CHAF1B: variants seen among roughly 807,000 people sequenced by gnomAD.
CHAF1B encodes chromatin assembly factor 1 subunit B.
In CHAF1B, 10 loss-of-function variants were observed where a neutral mutation model predicts 60.7. The observed-to-expected ratio is 0.16, with a 90% CI of 0.10 to 0.28. The LOEUF (loss-of-function observed/expected upper bound fraction) is 0.28, where lower values mean the gene tolerates loss of function less well. CHAF1B is among the 10% of genes least tolerant of loss of function. The pLI, the probability that CHAF1B is intolerant of heterozygous loss-of-function variation, is 1.00. For synonymous variants in CHAF1B, 261 were observed against 266.1 expected (o/e 0.98, Z 0.19); for missense variants, 558 against 708.4 (o/e 0.79, Z 2.41).
At chr21:36,410,396 A>G (rs776636299) in intron 10 of CHAF1B, among the ~76,000 whole-genome samples, 2 of 152,086 alleles carry the variant, frequency 1.3e-5, no homozygotes, top group Non-Finnish European at 2.9e-5. Flanking sequence ...CTCTTATTCA[A>G]ATACTCCCAT....
intron 9 of CHAF1B, among the ~76,000 whole-genome samples, chr21:36,409,166 T>A (rs1352049601): frequency 1.3e-5 from 2 of 149,928 alleles, no homozygotes; most frequent in African/African-American, 4.9e-5. Context: ...GTATTTTTTT[T>A]TTTTTTTTTT....
At chr21:36,404,176 C>T (rs2086215933) in intron 8 of CHAF1B, among the ~76,000 whole-genome samples, 1 of 149,396 alleles carries the variant, frequency 6.7e-6, no homozygotes, top group Non-Finnish European at 1.5e-5. Context: ...TGGCTCACCA[C>T]TGCAGCCTCC....
At chr21:36,393,196 A>G (rs1408572848) in intron 4 of CHAF1B, among the ~76,000 whole-genome samples, 1 of 152,076 alleles carries the variant, frequency 6.6e-6, no homozygotes, top group Non-Finnish European at 1.5e-5. Flanking sequence ...TCAGAGGGAG[A>G]CTGTGGAGAG....
rs77041804 is a variant in CHAF1B, at chr21:36,414,231, C to T, written c.1493+916C>T. 3.2e-3 allele frequency among the ~76,000 whole-genome samples: 493 copies of T among 152,316 alleles called. 7 individuals carry two copies. The highest frequency in any genetic ancestry group is 0.011 in the African/African-American group (475 of 41,578). On this transcript the variant is annotated intron_variant, in intron 12 of 13. Coordinates refer to ENST00000314103, the MANE Select transcript of CHAF1B (RefSeq NM_005441.3). ...CTCCACCAAGCCCTCTGCCTCCCAA[C>T]CTTCCCATAAACTGAGTCACGAGGA...
Position 36,390,333 on chromosome 21 carries a change from C to CAAAAG in CHAF1B, c.260-1214_260-1213insGAAAA, listed in dbSNP as rs771597728. ...GGGCAATAAGAGTGAAACACCATCT[C>CAAAAG]AAAAAAAAAAAAAAAAAAGAAAGAA... On this transcript the variant is annotated intron_variant, in intron 3 of 13. Transcript: ENST00000314103. Among the ~76,000 whole-genome samples the CAAAAG allele has an allele frequency of 6.0e-3, 494 of 81,914 alleles. 8 individuals carry two copies. Among genetic ancestry groups the CAAAAG allele is most frequent in the East Asian group, 0.06 (216 of 3,590 alleles). 53.7% of individuals were successfully genotyped at this position (81,914 alleles called of 152,430 possible).
rs1446552229 is a variant in CHAF1B at position 36,411,571 on chromosome 21, A to T, written c.1028A>T (p.Asn343Ile). The T allele has an allele frequency of 6.2e-7, 1 of 1,614,082 alleles. No homozygotes were observed. The highest frequency in any genetic ancestry group is 1.7e-5 in the Admixed American group (1 of 59,986). ...TCCTTCCCTTTTGGTTACGTGTCTA[A>T]TATACATTACCACACCCTCAGTGAC... The part of the protein sequence containing the change: ...QQSFPFGYVS[N>I]IHYHTLSDIS... Residue 343 changes from asparagine (N) to isoleucine (I), a missense_variant, in exon 11 of 14, where the codon AAT becomes ATT. Around this residue, in one of 2 missense-constraint regions of CHAF1B, gnomAD observed 325 missense variants for 493.5 expected, o/e 0.66. Coordinates refer to ENST00000314103, the MANE Select transcript of CHAF1B (RefSeq NM_005441.3).
intron 3 of CHAF1B, among the ~76,000 whole-genome samples, chr21:36,389,845 C>T (rs994530586): frequency 2.0e-5 from 3 of 148,800 alleles, no homozygotes; most frequent in Admixed American, 6.7e-5. Flanking sequence ...GGAGCAGGAG[C>T]GCCACCTGGG....
chr21:36,394,844 G>A (rs2086124422), intron 5 of CHAF1B, among the ~76,000 whole-genome samples, 194 bp downstream of exon 5: 1 of 149,302 alleles, frequency 6.7e-6, no homozygotes, highest in African/African-American at 2.5e-5. Context: ...CGATCCTCCT[G>A]CCTCAGTCTC....
intron 11 of CHAF1B, among the ~76,000 whole-genome samples, chr21:36,412,312 T>C (rs2086283990): frequency 6.6e-6 from 1 of 151,978 alleles, no homozygotes; most frequent in Non-Finnish European, 1.5e-5. Flanking sequence ...AGCACTGTCC[T>C]TCTGCCACCT....
Position 36,399,749 on chromosome 21 carries a change from C to T in CHAF1B, c.663+144C>T, listed in dbSNP as rs1300778885. The T allele has an allele frequency of 3.0e-5, 20 of 676,690 alleles. No homozygotes were observed. In the African/African-American group the frequency reaches 3.2e-4, roughly 11 times the overall value. 41.9% of individuals were successfully genotyped at this position (676,690 alleles called of 1,614,324 possible). On this transcript the variant is annotated intron_variant, in intron 7 of 13. Coordinates refer to ENST00000314103, the MANE Select transcript of CHAF1B (RefSeq NM_005441.3). ...ACAATAAGGCTTCCTTTTGGACAGTCAAGGCTCAGTTACTGTGGTGGGCTA... is the reference window on the plus strand; with the variant it reads ...ACAATAAGGCTTCCTTTTGGACAGTTAAGGCTCAGTTACTGTGGTGGGCTA...
chr21:36,416,238 C>T, intron 13 of CHAF1B, 37 bp from the exon 14 acceptor site: 12 of 1,564,258 alleles, frequency 7.7e-6, no homozygotes, highest in South Asian at 1.1e-5. Flanking sequence ...CAGAATTCTT[C>T]ATTTACTTGC....
At chr21:36,400,737 A>C (rs2086181054) in intron 7 of CHAF1B, among the ~76,000 whole-genome samples, 1 of 152,224 alleles carries the variant, frequency 6.6e-6, no homozygotes, top group African/African-American at 2.4e-5. Flanking sequence ...GCAGAGACCC[A>C]GCCAAAACAC....
chr21:36,391,907 ATTTTTTTTTTTTT>A (rs55920360), intron 4 of CHAF1B, among the ~76,000 whole-genome samples: 4 of 67,040 alleles, frequency 6.0e-5, no homozygotes, highest in East Asian at 6.4e-4. Context: ...TGATTTTTAA[ATTTTTTTTTTTTT>A]TTTTTTTTTT....
intron 4 of CHAF1B, among the ~76,000 whole-genome samples, chr21:36,393,694 TC>T (rs2086112659): frequency 6.6e-6 from 1 of 152,112 alleles, no homozygotes; most frequent in Non-Finnish European, 1.5e-5. Flanking sequence ...CCTCAGGTGA[TC>T]CGCCCACCTC....
chr21:36,403,869 ACTGT>A (rs1383277295), intron 8 of CHAF1B, among the ~76,000 whole-genome samples: 2 of 152,158 alleles, frequency 1.3e-5, no homozygotes, highest in Non-Finnish European at 2.9e-5. Flanking sequence ...ACGGGAGGGC[ACTGT>A]CTTGGTTTGC....
At chr21:36,399,644 A>G in intron 7 of CHAF1B, 39 bp downstream of exon 7, 1 of 1,541,768 alleles carries the variant, frequency 6.5e-7, no homozygotes, top group Non-Finnish European at 9.0e-7. Context: ...GCAGCGCTTT[A>G]ACTGAGACTT....
chr21:36,409,683 C>T (rs1452996245), intron 10 of CHAF1B, among the ~76,000 whole-genome samples: 1 of 151,432 alleles, frequency 6.6e-6, no homozygotes, highest in African/African-American at 2.4e-5. Context: ...TTTTTGGTAG[C>T]GACAGCGTTT....
intron 9 of CHAF1B, 73 bp from the exon 10 acceptor site, chr21:36,409,299 CCA>C: frequency 8.0e-7 from 1 of 1,251,208 alleles, no homozygotes; most frequent in South Asian, 1.2e-5. Flanking sequence ...CCGCGCCCTG[CCA>C]AAATGTTTAC....
rs375429611 is a variant in CHAF1B, at chr21:36,412,384, CAG to C, written c.1062-497_1062-496del. Reference sequence around the variant, plus strand: ...CCAGTGTGAGGTTTTTTTTTTGAAACAGAGTCTCACTGTCATCCAGGCTGGAG... The same window carrying C: ...CCAGTGTGAGGTTTTTTTTTTGAAACAGTCTCACTGTCATCCAGGCTGGAG... On this transcript the variant is annotated intron_variant, in intron 11 of 13. Coordinates refer to ENST00000314103, the MANE Select transcript of CHAF1B (RefSeq NM_005441.3). Among the ~76,000 whole-genome samples, 1,248 of 151,748 alleles carry C rather than the reference CAG, an allele frequency of 8.2e-3. 15 individuals carry two copies. The highest frequency in any genetic ancestry group is 0.029 in the African/African-American group (1,195 of 41,424).
Sources: gnomAD v4.1 joint callset for allele counts (sites outside exome capture counted in the v4.1 genomes callset) on GRCh38, gnomAD v4.1.1 for gene constraint, gnomAD v4.1.1 regional missense constraint, MANE v1.5 for transcripts, NCBI Gene and HGNC (gene_info 2026-07-23, HGNC 2026-07-21) for gene names.